The following SMIM36 variants were observed in gnomAD, a reference collection of about 807,000 sequenced individuals.
SMIM36 encodes the protein small integral membrane protein 36.
At chr17:55,520,191 T>A in the SMIM36 span, among the ~76,000 whole-genome samples, 2 of 152,296 alleles carry the variant, frequency 1.3e-5, no homozygotes, top group East Asian at 3.9e-4. Flanking sequence ...TCTGTGTGTG[T>A]AAAATCTCCT....
upstream of SMIM36, among the ~76,000 whole-genome samples, chr17:55,512,028 A>G (rs544557396): frequency 6.6e-6 from 1 of 152,352 alleles, no homozygotes; most frequent in African/African-American, 2.4e-5. Flanking sequence ...CTTTAAACAG[A>G]TAATTGCACA....
chr17:55,465,811 C>T (rs1909226191), intron 4 of SMIM36, among the ~76,000 whole-genome samples: 1 of 152,136 alleles, frequency 6.6e-6, no homozygotes, highest in Non-Finnish European at 1.5e-5. Context: ...GGAGAACCAT[C>T]TAGCAGTAGA....
exon 1 of SMIM36, chr17:55,511,194 C>T (rs151052669): frequency 8.2e-4 from 325 of 398,582 alleles, no homozygotes; most frequent in African/African-American, 6.1e-3. Context: ...TGGCCTCGGG[C>T]GCGTACTCCT....
the SMIM36 span, among the ~76,000 whole-genome samples, chr17:55,522,192 C>T: frequency 6.6e-6 from 1 of 152,184 alleles, no homozygotes; most frequent in Non-Finnish European, 1.5e-5. Context: ...TAAGCCACTA[C>T]CATTTCAGGA....
chr17:55,528,555 C>CTTTTT, the SMIM36 span, among the ~76,000 whole-genome samples: 2 of 139,462 alleles, frequency 1.4e-5, no homozygotes, highest in Admixed American at 7.2e-5. Flanking sequence ...CTTTTCTTTT[C>CTTTTT]TTTTTTTTTT....
At chr17:55,522,326 C>T in the SMIM36 span, among the ~76,000 whole-genome samples, 1 of 152,190 alleles carries the variant, frequency 6.6e-6, no homozygotes, top group Admixed American at 6.5e-5. Flanking sequence ...TTTCCATGAC[C>T]ATTCCTTATA....
chr17:55,472,613 C>T (rs1909359028), intron 3 of SMIM36, among the ~76,000 whole-genome samples: 1 of 152,222 alleles, frequency 6.6e-6, no homozygotes, highest in Admixed American at 6.5e-5. Context: ...TGGCTCACGC[C>T]TGTCATCCCA....
In SMIM36 at chr17:55,476,599, C is replaced by T. The variant is rs142744840; in HGVS notation, c.*347+2163G>A. ...TTTTTTGTTTGTTTAGACAGAGTCT[C>T]GCTCTGTCACCCAGGTGGAGTGCAG... On this transcript the variant is annotated intron_variant, in intron 3 of 4. Coordinates refer to ENST00000636752, the Ensembl canonical transcript of SMIM36. 1.8e-3 allele frequency among the ~76,000 whole-genome samples: 270 copies of T among 151,724 alleles called. 1 individual carries two copies. Among genetic ancestry groups the T allele is most frequent in the East Asian group, 4.1e-3 (21 of 5,170 alleles).
At chr17:55,494,707 C>T (rs141496474) in intron 1 of SMIM36, among the ~76,000 whole-genome samples, 18 of 152,032 alleles carry the variant, frequency 1.2e-4, no homozygotes, top group Admixed American at 3.3e-4. Context: ...CACACTCACA[C>T]GAGTGCTAAA....
intron 4 of SMIM36, among the ~76,000 whole-genome samples, chr17:55,451,594 A>T (rs548251245): frequency 4.6e-5 from 7 of 152,244 alleles, no homozygotes; most frequent in African/African-American, 1.4e-4. Flanking sequence ...ATGCTATGAA[A>T]ATTCTTGAGA....
At chr17:55,489,273 G>A (rs1909661172) in intron 1 of SMIM36, among the ~76,000 whole-genome samples, 1 of 152,104 alleles carries the variant, frequency 6.6e-6, no homozygotes, top group African/African-American at 2.4e-5. Context: ...AGTTACTTGG[G>A]AGGCTGAGGC....
intron 1 of SMIM36, among the ~76,000 whole-genome samples, chr17:55,487,005 A>G (rs1909618340): frequency 6.6e-6 from 1 of 152,200 alleles, no homozygotes; most frequent in African/African-American, 2.4e-5. Flanking sequence ...AAAGGAGAAT[A>G]AGGCATGGCC....
rs541514628 is a variant in SMIM36 at position 55,452,810 on chromosome 17, A to G, written c.*532-2512T>C. Among the ~76,000 whole-genome samples the G allele has an allele frequency of 6.6e-5, 10 of 152,348 alleles. No homozygotes were observed. In the South Asian group the frequency reaches 1.9e-3, roughly 28 times the overall value. On this transcript the variant is annotated intron_variant, in intron 4 of 4. Coordinates refer to ENST00000636752, the Ensembl canonical transcript of SMIM36. ...TCCTCTGTAAATTGTGTCTTTCCTT[A>G]GACATATAATTCCAGTGACAACAAA...
intron 1 of SMIM36, among the ~76,000 whole-genome samples, chr17:55,497,850 T>C (rs1038421186): frequency 1.3e-5 from 2 of 152,200 alleles, no homozygotes; most frequent in South Asian, 2.1e-4. Flanking sequence ...AATAGAATCA[T>C]GTAACTGACC....
chr17:55,463,855 C>T (rs905786573), intron 4 of SMIM36, among the ~76,000 whole-genome samples: 1 of 151,914 alleles, frequency 6.6e-6, no homozygotes, highest in African/African-American at 2.4e-5. Flanking sequence ...AGGCCGGGCA[C>T]CTGTAATCTC....
chr17:55,512,109 A>G (rs1034858611), upstream of SMIM36, among the ~76,000 whole-genome samples: 1 of 152,218 alleles, frequency 6.6e-6, no homozygotes, highest in Admixed American at 6.5e-5. Context: ...AGCGTGTCCC[A>G]GTGTGGGTCA....
intron 1 of SMIM36, among the ~76,000 whole-genome samples, chr17:55,489,268 C>T (rs1157553771): frequency 6.6e-6 from 1 of 152,064 alleles, no homozygotes; most frequent in Non-Finnish European, 1.5e-5. Flanking sequence ...ATCCCAGTTA[C>T]TTGGGAGGCT....
the SMIM36 span, among the ~76,000 whole-genome samples, chr17:55,520,882 G>A: frequency 0.091 from 13,805 of 152,168 alleles, 938 homozygotes; most frequent in East Asian, 0.22. Flanking sequence ...TGTAATCCCA[G>A]CATTTTGGGA....
the SMIM36 span, among the ~76,000 whole-genome samples, chr17:55,529,717 A>G: frequency 6.6e-6 from 1 of 152,104 alleles, no homozygotes; most frequent in Non-Finnish European, 1.5e-5. Flanking sequence ...ACTTGAGCCC[A>G]GAGGTCGAGG....
Sources: allele counts gnomAD v4.1 joint callset (sites outside exome capture counted in the v4.1 genomes callset), GRCh38; gene constraint gnomAD v4.1.1; transcripts MANE v1.5; gene names NCBI Gene and HGNC (gene_info 2026-07-23, HGNC 2026-07-21).